The following CALCRL variants were observed in gnomAD, a reference collection of about 807,000 sequenced individuals.
CALCRL encodes calcitonin gene-related peptide type 1 receptor.
Under a neutral mutation model 60.4 loss-of-function variants are expected in CALCRL, and 27 were observed. The ratio of observed to expected loss-of-function variants is 0.45; its 90% CI spans 0.33 to 0.62. The LOEUF (loss-of-function observed/expected upper bound fraction) is 0.62, where lower values mean the gene tolerates loss of function less well. Ranked by LOEUF, CALCRL falls within the 20% of genes least tolerant of loss-of-function variation. CALCRL has a pLI of 0.03. For synonymous variants in CALCRL, 190 were observed against 182.6 expected (o/e 1.04, Z -0.33); for missense variants, 424 against 540.7 (o/e 0.78, Z 2.14).
intron 1 of CALCRL, among the ~76,000 whole-genome samples, chr2:187,395,517 A>G (rs568118438): frequency 6.6e-6 from 1 of 152,224 alleles, no homozygotes; most frequent in East Asian, 1.9e-4. Flanking sequence ...GTTTTCTAGC[A>G]CTTTAAAAAA....
Position 187,359,218 on chromosome 2 carries a change from T to A in CALCRL, c.836A>T (p.Asn279Ile). Reference protein sequence around the residue: ...IHAIARSLYYNDNCWISSDTH... With the variant: ...IHAIARSLYYIDNCWISSDTH... The stretch of plus-strand genomic sequence containing the variant: ...TAAAAAGAGATTTTCTTACTTGTCA[T>A]TGTAATATAAGCTTCTAGCAATGGC... Residue 279 changes from asparagine to isoleucine, a missense_variant, in exon 11 of 15, where the codon AAT becomes ATT. Coordinates refer to ENST00000392370, the MANE Select transcript of CALCRL (RefSeq NM_005795.6). 6.3e-7 allele frequency: 1 copy of A among 1,593,438 alleles called. No individual in the cohort carries two copies. Among genetic ancestry groups the A allele is most frequent in the Non-Finnish European group, 8.6e-7 (1 of 1,168,198 alleles).
intron 8 of CALCRL, among the ~76,000 whole-genome samples, chr2:187,368,294 T>G (rs1687381743): frequency 6.6e-6 from 1 of 152,088 alleles, no homozygotes; most frequent in Non-Finnish European, 1.5e-5. Flanking sequence ...TAATGGTTTT[T>G]AGGTACAAAT....
chr2:187,393,596 A>G (rs548091931), intron 1 of CALCRL, among the ~76,000 whole-genome samples: 1 of 152,242 alleles, frequency 6.6e-6, no homozygotes, highest in African/African-American at 2.4e-5. Flanking sequence ...CAGCATATTC[A>G]TCTCCGGGGC....
At chr2:187,424,735 A>T (rs1041204392) in intron 1 of CALCRL, among the ~76,000 whole-genome samples, 1 of 152,130 alleles carries the variant, frequency 6.6e-6, no homozygotes, top group South Asian at 2.1e-4. Flanking sequence ...ATAGGTATAA[A>T]TGAATTGTGG....
intron 1 of CALCRL, among the ~76,000 whole-genome samples, chr2:187,402,769 G>A (rs1287292907): frequency 6.6e-6 from 1 of 151,738 alleles, no homozygotes; most frequent in Non-Finnish European, 1.5e-5. Flanking sequence ...AGCATCCTGA[G>A]AAGGAATGGC....
At chr2:187,409,980 T>C (rs1689289701) in intron 1 of CALCRL, among the ~76,000 whole-genome samples, 1 of 152,086 alleles carries the variant, frequency 6.6e-6, no homozygotes, top group Non-Finnish European at 1.5e-5. Flanking sequence ...AGCAGGGAGT[T>C]TGATGACTTG....
intron 1 of CALCRL, among the ~76,000 whole-genome samples, chr2:187,396,018 CTGTT>C (rs1688634451): frequency 1.3e-5 from 1 of 77,368 alleles, no homozygotes; most frequent in Non-Finnish European, 2.8e-5. Flanking sequence ...TCTCCTGACA[CTGTT>C]TGTTGTTGTT....
intron 1 of CALCRL, among the ~76,000 whole-genome samples, chr2:187,393,067 C>T (rs938981815): frequency 6.6e-6 from 1 of 152,058 alleles, no homozygotes; most frequent in Non-Finnish European, 1.5e-5. Context: ...TCATTTGAGT[C>T]ATGCATTATT....
chr2:187,437,570 T>C (rs1690705316), intron 1 of CALCRL, among the ~76,000 whole-genome samples: 1 of 152,154 alleles, frequency 6.6e-6, no homozygotes, highest in Admixed American at 6.6e-5. Flanking sequence ...TTAAGCTCCT[T>C]AGAATAAAGA....
intron 1 of CALCRL, chr2:187,428,919 G>A (rs1690275663): frequency 1.3e-5 from 2 of 150,582 alleles, no homozygotes; most frequent in South Asian, 2.1e-4. Context: ...ATTACTGTAA[G>A]CATAACTTTT....
intron 1 of CALCRL, among the ~76,000 whole-genome samples, chr2:187,425,892 A>G (rs1690096755): frequency 6.6e-6 from 1 of 152,006 alleles, no homozygotes; most frequent in Non-Finnish European, 1.5e-5. Flanking sequence ...AAAATTCACA[A>G]TGAAACATAA....
chr2:187,379,092 C>A, intron 7 of CALCRL, 61 bp from the exon 8 acceptor site: 1 of 787,768 alleles, frequency 1.3e-6, no homozygotes, highest in Non-Finnish European at 2.2e-6. Context: ...TCTGTAATCC[C>A]ACACATGCAG....
intron 12 of CALCRL, among the ~76,000 whole-genome samples, chr2:187,356,820 A>G (rs113052947): frequency 0.042 from 6,343 of 152,204 alleles, 285 homozygotes; most frequent in East Asian, 0.18. Context: ...TAAACAATCA[A>G]CGCCATCAAA....
intron 1 of CALCRL, among the ~76,000 whole-genome samples, chr2:187,402,473 A>T (rs1009968551): frequency 6.6e-6 from 1 of 151,468 alleles, no homozygotes; most frequent in Non-Finnish European, 1.5e-5. Context: ...TACGTAGAGA[A>T]TATGATACTT....
At chr2:187,369,248 T>A (rs1456434481) in intron 8 of CALCRL, among the ~76,000 whole-genome samples, 2 of 152,158 alleles carry the variant, frequency 1.3e-5, no homozygotes, top group African/African-American at 2.4e-5. Flanking sequence ...AGACTGCTTT[T>A]CCTGGTCTTC....
At chr2:187,429,730 G>A (rs1324769531) in intron 1 of CALCRL, among the ~76,000 whole-genome samples, 1 of 152,044 alleles carries the variant, frequency 6.6e-6, no homozygotes, top group Non-Finnish European at 1.5e-5. Context: ...AACTCAAAAG[G>A]CAGCCATTAA....
intron 1 of CALCRL, among the ~76,000 whole-genome samples, chr2:187,427,959 AT>A (rs1272149240): frequency 6.6e-6 from 1 of 152,138 alleles, no homozygotes; most frequent in African/African-American, 2.4e-5. Flanking sequence ...TATCATGTAA[AT>A]CTTTAATGAA....
At chr2:187,434,196 T>C (rs1559078246) in intron 1 of CALCRL, among the ~76,000 whole-genome samples, 2 of 152,110 alleles carry the variant, frequency 1.3e-5, no homozygotes, top group South Asian at 2.1e-4. Flanking sequence ...TATTCATACA[T>C]ATCCAATTTT....
intron 8 of CALCRL, among the ~76,000 whole-genome samples, chr2:187,371,240 TAA>T (rs1174750638): frequency 3.6e-5 from 5 of 137,012 alleles, no homozygotes; most frequent in African/African-American, 5.4e-5. Flanking sequence ...AGACTCCGTC[TAA>T]AAAAAAAAAA....
Sources: allele counts gnomAD v4.1 joint callset (sites outside exome capture counted in the v4.1 genomes callset), GRCh38; gene constraint gnomAD v4.1.1; transcripts MANE v1.5; gene names NCBI Gene and HGNC (gene_info 2026-07-23, HGNC 2026-07-21).